Variants in TSPEAR observed in about 807,000 individuals in gnomAD.
The protein encoded by TSPEAR is thrombospondin type laminin G domain and EAR repeats.
A neutral mutation model predicts 71.6 loss-of-function variants in TSPEAR; 69 were observed. That is an observed-to-expected ratio of 0.96 (90% confidence interval 0.79 to 1.18). The LOEUF (loss-of-function observed/expected upper bound fraction) is 1.18, where lower values mean the gene tolerates loss of function less well. Among genes scored for constraint, TSPEAR ranks in the 50% most tolerant of loss-of-function variants. The probability of loss-of-function intolerance (pLI) is 0.00; values close to 1 mark genes in which losing one functional copy is unlikely to be tolerated. For synonymous variants in TSPEAR, 402 were observed against 387.2 expected, an observed-to-expected ratio of 1.04 and a Z score of -0.45; for missense variants, 971 against 894.9, an observed-to-expected ratio of 1.09 and a Z score of -1.09.
In TSPEAR at chr21:44,600,617, C is replaced by G. The variant is rs782738565; in HGVS notation, c.83-32612G>C. The G allele has an allele frequency of 5.0e-6, 8 of 1,610,670 alleles. No individual in the cohort carries two copies. The African/African-American group carries it at 8.0e-5, about 16-fold the overall frequency. On this transcript the variant is annotated intron_variant, in intron 1 of 11. Coordinates refer to ENST00000323084, the MANE Select transcript of TSPEAR (RefSeq NM_144991.3). Reference sequence around the variant, plus strand: ...ACTCCCATCTCCTCCAGTTCAATCCCCAGCATGGCTGCGTCCACTATGTCT... The same window carrying G: ...ACTCCCATCTCCTCCAGTTCAATCCGCAGCATGGCTGCGTCCACTATGTCT...
chr21:44,592,532 T>C, intron 1 of TSPEAR: 1 of 1,563,908 alleles, frequency 6.4e-7, no homozygotes, highest in Non-Finnish European at 8.7e-7. Flanking sequence ...TGTGAGGTGC[T>C]GAGGCTCTCG....
intron 1 of TSPEAR, chr21:44,591,868 G>A (rs1555926692): frequency 2.5e-6 from 4 of 1,608,716 alleles, no homozygotes; most frequent in Admixed American, 1.7e-5. Flanking sequence ...GCAGCATGAG[G>A]GTGTGCAGGA....
chr21:44,592,725 G>A (rs782797752), intron 1 of TSPEAR, among the ~76,000 whole-genome samples: 3 of 152,148 alleles, frequency 2.0e-5, no homozygotes, highest in Non-Finnish European at 2.9e-5. Context: ...CAGGAATTGG[G>A]CGGGGCCTGG....
intron 2 of TSPEAR, chr21:44,551,291 G>A (rs1315884399): frequency 1.2e-6 from 2 of 1,613,400 alleles, no homozygotes; most frequent in Admixed American, 1.7e-5. Flanking sequence ...CCTGGCAGCA[G>A]GGGCTGGACA....
Position 44,612,943 on chromosome 21 carries a change from C to T in TSPEAR, c.83-44938G>A, listed in dbSNP as rs148949688. The T allele has an allele frequency of 2.3e-4, 370 of 1,587,290 alleles. 1 individual carries two copies. The African/African-American group carries it at 3.5e-3, about 15-fold the overall frequency. On this transcript the variant is annotated intron_variant, in intron 1 of 11. Coordinates refer to ENST00000323084, the MANE Select transcript of TSPEAR (RefSeq NM_144991.3). This position sits in a 1 kb window ranked among gnomAD's most constrained non-coding sequence, Gnocchi z 4.1. Reference sequence around the variant, plus strand: ...CACGTCCCCCAGGGCCAGCCGGCTCCGGTCCTGTCCTGGGTTAAGTGGCTG... The same window carrying T: ...CACGTCCCCCAGGGCCAGCCGGCTCTGGTCCTGTCCTGGGTTAAGTGGCTG...
At chr21:44,616,758 CAG>C (rs1230551747) in intron 1 of TSPEAR, among the ~76,000 whole-genome samples, 1 of 152,264 alleles carries the variant, frequency 6.6e-6, no homozygotes, top group Non-Finnish European at 1.5e-5. Flanking sequence ...AGCGCACGGA[CAG>C]AGTCTGCGGT....
intron 1 of TSPEAR, among the ~76,000 whole-genome samples, chr21:44,709,614 G>T (rs1301714065): frequency 1.3e-5 from 2 of 152,234 alleles, no homozygotes; most frequent in Admixed American, 6.5e-5. Context: ...TCAACCACCC[G>T]CCGCGGCTCC....
At chr21:44,676,972 G>A (rs921032142) in intron 1 of TSPEAR, 15 of 926,022 alleles carry the variant, frequency 1.6e-5, no homozygotes, top group Admixed American at 1.0e-4. Flanking sequence ...AGCTGGGTCC[G>A]AAACGCTCAT....
intron 11 of TSPEAR, among the ~76,000 whole-genome samples, chr21:44,502,320 A>C (rs1389429651): frequency 6.6e-6 from 1 of 152,246 alleles, no homozygotes; most frequent in South Asian, 2.1e-4. Context: ...AGCAAGCTAC[A>C]TAATCAATTA....
Position 44,695,758 on chromosome 21 carries a change from A to C in TSPEAR, c.82+15675T>G, listed in dbSNP as rs1987305445. Among the ~76,000 whole-genome samples, 1 of 152,172 alleles carries C rather than the reference A, an allele frequency of 6.6e-6. No homozygotes were observed. Among genetic ancestry groups the C allele is most frequent in the Non-Finnish European group, 1.5e-5 (1 of 68,024 alleles). ...GCAGCGGGACAGGGGTACACGCCACACACCAGGGTTTCATCTCATCACAGG... is the reference window on the plus strand; with the variant it reads ...GCAGCGGGACAGGGGTACACGCCACCCACCAGGGTTTCATCTCATCACAGG... On this transcript the variant is annotated intron_variant, in intron 1 of 11. Coordinates refer to ENST00000323084, the MANE Select transcript of TSPEAR (RefSeq NM_144991.3). This position sits in a 1 kb window ranked among gnomAD's most constrained non-coding sequence, Gnocchi z 4.5.
intron 1 of TSPEAR, among the ~76,000 whole-genome samples, chr21:44,614,417 G>T (rs1198658272): frequency 1.3e-5 from 2 of 152,266 alleles, no homozygotes; most frequent in Non-Finnish European, 2.9e-5. Flanking sequence ...GGGCTGTCAG[G>T]GTGGGCTCCC....
intron 8 of TSPEAR, among the ~76,000 whole-genome samples, chr21:44,524,739 AGTC>A (rs2052813172): frequency 1.3e-5 from 2 of 151,474 alleles, no homozygotes; most frequent in African/African-American, 4.9e-5. Flanking sequence ...TGAGACAGTC[AGTC>A]AATCAGTCAG....
At chr21:44,540,343 G>A (rs944092557) in intron 2 of TSPEAR, 2 of 920,266 alleles carry the variant, frequency 2.2e-6, no homozygotes, top group South Asian at 1.7e-5. Context: ...CGTGTGTCAT[G>A]ACTAGGGATG....
intron 1 of TSPEAR, among the ~76,000 whole-genome samples, chr21:44,700,894 A>C (rs1555951448): frequency 1.3e-5 from 2 of 152,156 alleles, no homozygotes. Flanking sequence ...ATCTTGCAGA[A>C]AAGGAAACCG....
intron 2 of TSPEAR, among the ~76,000 whole-genome samples, chr21:44,565,565 T>TA (rs587713744): frequency 6.6e-6 from 1 of 152,164 alleles, no homozygotes; most frequent in Admixed American, 6.5e-5. Context: ...GTTTAATATC[T>TA]AAAAATCAAT....
intron 1 of TSPEAR, among the ~76,000 whole-genome samples, chr21:44,647,888 G>C (rs1230714818): frequency 6.6e-6 from 1 of 152,256 alleles, no homozygotes; most frequent in African/African-American, 2.4e-5. Flanking sequence ...GGGGAGCAGA[G>C]CTGAGTGGGC....
intron 10 of TSPEAR, 32 bp from the exon 11 acceptor site, chr21:44,504,913 C>A (rs2052159525): frequency 1.9e-6 from 3 of 1,547,366 alleles, no homozygotes; most frequent in Non-Finnish European, 2.7e-6. Context: ...TATTAGGACA[C>A]AACAGACATC....
At chr21:44,580,270 G>C in intron 1 of TSPEAR, 1 of 1,613,070 alleles carries the variant, frequency 6.2e-7, no homozygotes, top group Non-Finnish European at 8.5e-7. Context: ...AATCCTTAGA[G>C]CAGGTGGGCA....
intron 2 of TSPEAR, among the ~76,000 whole-genome samples, chr21:44,540,983 T>A (rs373138171): frequency 9.2e-5 from 14 of 152,070 alleles, no homozygotes; most frequent in Admixed American, 3.3e-4. Context: ...AATTTATTTT[T>A]TTTTTTTTTT....
Sources: allele counts gnomAD v4.1 joint callset (sites outside exome capture counted in the v4.1 genomes callset), GRCh38; gene constraint gnomAD v4.1.1; non-coding constraint Gnocchi (gnomAD v3.1); transcripts MANE v1.5; gene names NCBI Gene and HGNC (gene_info 2026-07-23, HGNC 2026-07-21).